The following SH3PXD2A variants were observed in gnomAD, a reference collection of about 807,000 sequenced individuals.
SH3PXD2A encodes the protein SH3 and PX domain-containing protein 2A.
In SH3PXD2A, 32 loss-of-function variants were observed where a neutral mutation model predicts 115.2. That is an observed-to-expected ratio of 0.28 (90% CI 0.21 to 0.37). The LOEUF (loss-of-function observed/expected upper bound fraction) is 0.37. Among genes scored for constraint, SH3PXD2A ranks in the 10% least tolerant of loss-of-function variants. The pLI is 1.00. For missense variants in SH3PXD2A, 1,328 were observed against 1,498.7 expected (o/e 0.89, Z 1.88); for synonymous variants, 610 against 629.1 (o/e 0.97, Z 0.45).
At chr10:103,685,419 T>C (rs920332765) in intron 6 of SH3PXD2A, among the ~76,000 whole-genome samples, 4 of 151,076 alleles carry the variant, frequency 2.6e-5, no homozygotes, top group South Asian at 2.1e-4. Context: ...TTTCCTGGTC[T>C]ATAAAATGGG....
chr10:103,676,275 G>T (rs899801619), intron 6 of SH3PXD2A, among the ~76,000 whole-genome samples: 20 of 152,198 alleles, frequency 1.3e-4, no homozygotes, highest in African/African-American at 4.8e-4. Context: ...GAACACGTGT[G>T]GGGGCAGCCC....
At chr10:103,783,100 C>T (rs377622354) in intron 2 of SH3PXD2A, among the ~76,000 whole-genome samples, 37 of 152,072 alleles carry the variant, frequency 2.4e-4, no homozygotes, top group Middle Eastern at 6.8e-3. Context: ...GCAGGTGAAG[C>T]GAGCGAGCTG....
chr10:103,618,521 G>A (rs2036554490), intron 10 of SH3PXD2A, among the ~76,000 whole-genome samples: 1 of 152,252 alleles, frequency 6.6e-6, no homozygotes, highest in Non-Finnish European at 1.5e-5. Flanking sequence ...TGAGACAGGA[G>A]GAGGAAGTGG....
intron 5 of SH3PXD2A, among the ~76,000 whole-genome samples, chr10:103,720,907 G>T (rs528823251): frequency 1.0e-3 from 159 of 152,324 alleles, no homozygotes; most frequent in Non-Finnish European, 1.8e-3. Context: ...GGCCCGGGGA[G>T]GGGGAGCCCC....
intron 8 of SH3PXD2A, among the ~76,000 whole-genome samples, chr10:103,655,951 C>T (rs188838346): frequency 1.8e-4 from 27 of 152,172 alleles, no homozygotes; most frequent in South Asian, 2.1e-4. Context: ...GTGAAATAAA[C>T]GAGTGAATAA....
chr10:103,726,399 G>A (rs961124096), intron 4 of SH3PXD2A, among the ~76,000 whole-genome samples: 9 of 152,170 alleles, frequency 5.9e-5, no homozygotes, highest in African/African-American at 2.2e-4. Context: ...TACTACGGGT[G>A]AGGAGACAGA....
intron 1 of SH3PXD2A, among the ~76,000 whole-genome samples, chr10:103,840,184 C>A (rs565748617): frequency 2.6e-5 from 4 of 152,032 alleles, no homozygotes; most frequent in African/African-American, 9.7e-5. Context: ...CAGGGCAGGG[C>A]GGGGAGGTTG....
chr10:103,799,176 T>C (rs2039123956), intron 2 of SH3PXD2A, among the ~76,000 whole-genome samples: 2 of 152,136 alleles, frequency 1.3e-5, no homozygotes, highest in African/African-American at 4.8e-5. Context: ...TCTTACACAA[T>C]CTCTCAGGGA....
chr10:103,845,249 T>C (rs1842832367), intron 1 of SH3PXD2A, among the ~76,000 whole-genome samples: 2 of 145,762 alleles, frequency 1.4e-5, no homozygotes, highest in South Asian at 4.3e-4. Context: ...GAGAATCACT[T>C]GAACCCAGGA....
chr10:103,661,889 G>GCTGGC (rs2037311331), intron 7 of SH3PXD2A: 1 of 985,160 alleles, frequency 1.0e-6, no homozygotes, highest in Non-Finnish European at 1.2e-6. Context: ...CGCGCCAGCG[G>GCTGGC]CTGGCGAGCC....
Position 103,596,663 on chromosome 10 carries a change from A to ACACACACACACACACACCCT in SH3PXD2A, c.*5152_*5153insAGGGTGTGTGTGTGTGTGTG. On this transcript the variant is annotated 3_prime_UTR_variant, in exon 15 of 15. Coordinates refer to ENST00000369774, the MANE Select transcript of SH3PXD2A (RefSeq NM_001394015.1). The stretch of plus-strand genomic sequence containing the variant: ...CACACACACACACACACACACACAC[A>ACACACACACACACACACCCT]CTCTCTCTCTCTCTCTCTCTCTCAC... 1 of 124,438 alleles carries ACACACACACACACACACCCT rather than the reference A, an allele frequency of 8.0e-6. No individual in the cohort carries two copies. The highest frequency in any genetic ancestry group is 1.7e-5 in the Non-Finnish European group (1 of 59,980). 7.7% of individuals were successfully genotyped at this position (124,438 alleles called of 1,614,324 possible).
intron 2 of SH3PXD2A, among the ~76,000 whole-genome samples, chr10:103,782,804 A>AACACTGGG (rs2038943443): frequency 6.7e-6 from 1 of 149,172 alleles, no homozygotes; most frequent in Non-Finnish European, 1.5e-5. Context: ...CAGCCTGAGC[A>AACACTGGG]ACACTGGGAG....
chr10:103,742,961 G>A (rs909348049), intron 3 of SH3PXD2A, among the ~76,000 whole-genome samples: 1 of 152,278 alleles, frequency 6.6e-6, no homozygotes, highest in South Asian at 2.1e-4. Flanking sequence ...CCCCCTCAAG[G>A]GTGACACGCA....
At chr10:103,694,580 C>T (rs1415638493) in intron 5 of SH3PXD2A, among the ~76,000 whole-genome samples, 1 of 152,180 alleles carries the variant, frequency 6.6e-6, no homozygotes, top group Admixed American at 6.5e-5. Flanking sequence ...CCCTTCCTTC[C>T]CCATCTTGTT....
Position 103,596,500 on chromosome 10 carries a change from C to T in SH3PXD2A, c.*5316G>A, listed in dbSNP as rs1368260180. 1 of 152,564 alleles carries T rather than the reference C, an allele frequency of 6.6e-6. No homozygotes were observed. The highest frequency in any genetic ancestry group is 1.5e-5 in the Non-Finnish European group (1 of 68,034). The allele number at this position is 152,564 out of a possible 1,614,324, so 9.5% of individuals were successfully genotyped here. A position where few individuals can be genotyped will look rare whatever the true frequency, so the allele number is the denominator to read the frequency against. Reference sequence around the variant, plus strand: ...TGTGTGTGAATGACACACTTGCTGCCAGAAGCTGTGAGTCCCTTGGGACCT... The same window carrying T: ...TGTGTGTGAATGACACACTTGCTGCTAGAAGCTGTGAGTCCCTTGGGACCT... On this transcript the variant is annotated 3_prime_UTR_variant, in exon 15 of 15. Transcript: ENST00000369774.
chr10:103,702,979 C>T (rs549201632), intron 5 of SH3PXD2A, among the ~76,000 whole-genome samples: 2 of 152,310 alleles, frequency 1.3e-5, no homozygotes, highest in African/African-American at 4.8e-5. Flanking sequence ...ATACCAGGGC[C>T]CCACTGCAGA....
At chr10:103,854,343 A>AG (rs929080194) in intron 1 of SH3PXD2A, among the ~76,000 whole-genome samples, 42 of 152,300 alleles carry the variant, frequency 2.8e-4, no homozygotes, top group African/African-American at 9.6e-4. Flanking sequence ...AGACGCTCAG[A>AG]GGGGTCAAGG....
chr10:103,619,930 G>A (rs763883885), intron 10 of SH3PXD2A, among the ~76,000 whole-genome samples: 74 of 152,316 alleles, frequency 4.9e-4, no homozygotes, highest in Non-Finnish European at 1.0e-3. Flanking sequence ...AGACCAGGCC[G>A]TCCCAGCTCC....
At chr10:103,612,377 A>T (rs538298316) in intron 12 of SH3PXD2A, among the ~76,000 whole-genome samples, 1 of 152,320 alleles carries the variant, frequency 6.6e-6, no homozygotes, top group South Asian at 2.1e-4. Context: ...AGGCCCAGAA[A>T]GACGTTTCTC....
Sources: gnomAD v4.1 joint callset for allele counts (sites outside exome capture counted in the v4.1 genomes callset) on GRCh38, gnomAD v4.1.1 for gene constraint, MANE v1.5 for transcripts, NCBI Gene and HGNC (gene_info 2026-07-23, HGNC 2026-07-21) for gene names.